The following DLG2 variants were observed in gnomAD, a reference collection of about 807,000 sequenced individuals.
The protein encoded by DLG2 is discs large MAGUK scaffold protein 2.
In DLG2, 45 loss-of-function variants were observed where a neutral mutation model predicts 132.5. The ratio of observed to expected loss-of-function variants is 0.34; its 90% CI spans 0.27 to 0.44. DLG2 has a LOEUF of 0.44. DLG2 is among the 20% of genes least tolerant of loss of function. The pLI is 1.00. For missense variants in DLG2, 1,045 were observed against 1,196.9 expected (o/e 0.87, Z 1.87); for synonymous variants, 424 against 419.6 (o/e 1.01, Z -0.13).
chr11:83,596,810 C>G (rs2057666428), intron 19 of DLG2, among the ~76,000 whole-genome samples: 1 of 83,308 alleles, frequency 1.2e-5, no homozygotes, highest in African/African-American at 4.9e-5. Context: ...ATCATTTTTT[C>G]TTTTTCTGTT....
intron 7 of DLG2, among the ~76,000 whole-genome samples, chr11:84,365,852 G>A (rs1342756972): frequency 1.3e-5 from 2 of 152,208 alleles, no homozygotes; most frequent in Non-Finnish European, 2.9e-5. Context: ...GTACTTGAAA[G>A]TGACGGGGAG....
At chr11:83,642,877 A>T (rs1044688952) in intron 18 of DLG2, among the ~76,000 whole-genome samples, 1 of 152,194 alleles carries the variant, frequency 6.6e-6, no homozygotes, top group Non-Finnish European at 1.5e-5. Flanking sequence ...ATAGAAAAAA[A>T]GTAGTTACCT....
chr11:84,649,205 A>C (rs1417579705), intron 6 of DLG2, among the ~76,000 whole-genome samples: 1 of 152,140 alleles, frequency 6.6e-6, no homozygotes, highest in East Asian at 1.9e-4. Flanking sequence ...CAAACCTTAG[A>C]GCTCTTGAAT....
intron 6 of DLG2, among the ~76,000 whole-genome samples, chr11:84,989,322 T>A (rs1349407425): frequency 6.6e-6 from 1 of 152,084 alleles, no homozygotes; most frequent in African/African-American, 2.4e-5. Flanking sequence ...ATTATAGGCA[T>A]CTGCCACCAC....
chr11:85,394,909 T>G (rs2087154320), intron 3 of DLG2, among the ~76,000 whole-genome samples: 1 of 152,228 alleles, frequency 6.6e-6, no homozygotes, highest in Admixed American at 6.5e-5. Context: ...TATAGCATTC[T>G]TGCCTGTTCT....
chr11:83,948,276 A>C (rs2084568022), intron 14 of DLG2, among the ~76,000 whole-genome samples: 1 of 152,170 alleles, frequency 6.6e-6, no homozygotes. Flanking sequence ...GGTCAATCCA[A>C]TTTTTTTAAA....
chr11:84,404,929 G>A (rs1234686879), intron 7 of DLG2, among the ~76,000 whole-genome samples: 1 of 152,092 alleles, frequency 6.6e-6, no homozygotes, highest in Non-Finnish European at 1.5e-5. Flanking sequence ...CAATAGCCTA[G>A]TGTTTATTGA....
At chr11:85,595,197 A>G (rs1215115254) in intron 3 of DLG2, among the ~76,000 whole-genome samples, 2 of 152,164 alleles carry the variant, frequency 1.3e-5, no homozygotes, top group Non-Finnish European at 1.5e-5. Context: ...AGAGATTTAC[A>G]TATTCTAAAT....
At chr11:85,543,697 T>C (rs2076119240) in intron 3 of DLG2, among the ~76,000 whole-genome samples, 1 of 152,240 alleles carries the variant, frequency 6.6e-6, no homozygotes, top group African/African-American at 2.4e-5. Flanking sequence ...CGTGAGATGG[T>C]ATCTCATTGT....
At chr11:84,648,288 A>T (rs1034646688) in intron 6 of DLG2, among the ~76,000 whole-genome samples, 1 of 152,162 alleles carries the variant, frequency 6.6e-6, no homozygotes, top group African/African-American at 2.4e-5. Flanking sequence ...TGATACCTTG[A>T]TTACCAAAGG....
At chr11:84,954,349 A>AT (rs892198746) in intron 6 of DLG2, among the ~76,000 whole-genome samples, 10 of 126,168 alleles carry the variant, frequency 7.9e-5, no homozygotes, top group African/African-American at 1.5e-4. Context: ...ATCTTAAAGG[A>AT]TAAAAAAAAA....
chr11:83,482,568 T>C (rs559360200), intron 22 of DLG2, among the ~76,000 whole-genome samples: 5 of 152,286 alleles, frequency 3.3e-5, no homozygotes, highest in African/African-American at 9.6e-5. Flanking sequence ...CACTCTATGC[T>C]ATAAAGTGAA....
intron 6 of DLG2, chr11:84,640,470 C>A: frequency 2.1e-6 from 1 of 471,222 alleles, no homozygotes; most frequent in South Asian, 2.0e-5. Context: ...TGCTTTGATT[C>A]AGCAAGCCAC....
At chr11:84,331,768 T>C (rs1281159629) in intron 7 of DLG2, among the ~76,000 whole-genome samples, 1 of 152,178 alleles carries the variant, frequency 6.6e-6, no homozygotes, top group Non-Finnish European at 1.5e-5. Flanking sequence ...TGTGGTATTA[T>C]ACACTCAAGT....
intron 6 of DLG2, among the ~76,000 whole-genome samples, chr11:84,931,119 C>T (rs11600301): frequency 0.16 from 23,633 of 151,998 alleles, 1,971 homozygotes; most frequent in South Asian, 0.23. Context: ...CCTTACCCTA[C>T]GGCTTCTGAC....
chr11:84,195,661 T>C (rs1407115796), intron 8 of DLG2, among the ~76,000 whole-genome samples: 1 of 152,206 alleles, frequency 6.6e-6, no homozygotes, highest in Non-Finnish European at 1.5e-5. Flanking sequence ...GGGATAAAAA[T>C]CCATACTGTG....
At chr11:85,473,468 A>C (rs113062376) in intron 3 of DLG2, among the ~76,000 whole-genome samples, 2 of 152,264 alleles carry the variant, frequency 1.3e-5, no homozygotes, top group African/African-American at 2.4e-5. Context: ...TATGTTTAAA[A>C]GAACTATATT....
At position 84,137,492 on chromosome 11, in the gene DLG2, CT is replaced by C. The variant is rs1472218984; in HGVS notation, c.624+25968del. ...CATGTTTCAAATGCTGTCTGCACAT[CT>C]TGTGTTCGTTATTACAGGAGATATT... On this transcript the variant is annotated intron_variant, in intron 9 of 27. Coordinates refer to ENST00000376104, the MANE Select transcript of DLG2 (RefSeq NM_001142699.3). Among the ~76,000 whole-genome samples, 5 of 152,036 alleles carry C rather than the reference CT, an allele frequency of 3.3e-5. No homozygotes were observed. In the East Asian group the frequency reaches 9.7e-4, roughly 29 times the overall value.
chr11:84,472,421 T>G (rs780390500), intron 7 of DLG2, among the ~76,000 whole-genome samples: 1 of 151,940 alleles, frequency 6.6e-6, no homozygotes, highest in Non-Finnish European at 1.5e-5. Flanking sequence ...CAGTTGTGTC[T>G]CGATAAGTTT....
Sources: gnomAD v4.1 joint callset for allele counts (sites outside exome capture counted in the v4.1 genomes callset) on GRCh38, gnomAD v4.1.1 for gene constraint, MANE v1.5 for transcripts, NCBI Gene and HGNC (gene_info 2026-07-23, HGNC 2026-07-21) for gene names.